Variants in TRMT11 observed in about 807,000 individuals in gnomAD.
TRMT11 encodes tRNA methyltransferase 11, also known as tRNA (guanine(10)-N(2))-methyltransferase TRMT11.
A neutral mutation model predicts 62.8 loss-of-function variants in TRMT11; 53 were observed. The observed-to-expected ratio is 0.84, with a 90% CI of 0.68 to 1.06. The LOEUF is 1.06. TRMT11 is among the 50% of genes least tolerant of loss of function. The probability of loss-of-function intolerance (pLI) is 0.00; values close to 1 mark genes in which losing one functional copy is unlikely to be tolerated. For synonymous variants in TRMT11, 188 were observed against 190.3 expected (o/e 0.99, Z 0.10); for missense variants, 556 against 553.4 (o/e 1.00, Z -0.05).
At chr6:126,225,949 C>T in the TRMT11 span, among the ~76,000 whole-genome samples, 1 of 126,134 alleles carries the variant, frequency 7.9e-6, no homozygotes, top group African/African-American at 3.1e-5. Context: ...CCGTCTGTCT[C>T]CCAAAGTGCT....
chr6:126,213,649 G>A, the TRMT11 span, among the ~76,000 whole-genome samples: 85 of 152,090 alleles, frequency 5.6e-4, no homozygotes, highest in African/African-American at 2.0e-3. Flanking sequence ...TTTTGTTACA[G>A]AGTCTTTAGT....
the TRMT11 span, among the ~76,000 whole-genome samples, chr6:126,210,064 G>T: frequency 6.6e-6 from 1 of 152,186 alleles, no homozygotes; most frequent in African/African-American, 2.4e-5. Flanking sequence ...CTTTAGTGCA[G>T]ATGGAACTTT....
the TRMT11 span, among the ~76,000 whole-genome samples, chr6:126,240,228 C>T: frequency 6.6e-6 from 1 of 152,230 alleles, no homozygotes; most frequent in Non-Finnish European, 1.5e-5. Context: ...CATTCTCCAT[C>T]CAGCTTTGTT....
intron 18 of TRMT11, among the ~76,000 whole-genome samples, chr6:126,113,635 G>T (rs1036818581): frequency 1.3e-5 from 2 of 152,046 alleles, no homozygotes; most frequent in Admixed American, 6.6e-5. Context: ...ATACAGTGAT[G>T]ATCTATATAG....
At chr6:126,086,964 T>C (rs71563694) in intron 17 of TRMT11, among the ~76,000 whole-genome samples, 1 of 152,212 alleles carries the variant, frequency 6.6e-6, no homozygotes, top group Non-Finnish European at 1.5e-5. Context: ...TGTGTTCTGG[T>C]TCTCTTTTAT....
At chr6:126,104,970 G>A (rs1298925480) in intron 17 of TRMT11, among the ~76,000 whole-genome samples, 1 of 152,118 alleles carries the variant, frequency 6.6e-6, no homozygotes, top group Admixed American at 6.6e-5. Context: ...GTTTTATGGG[G>A]CCTTTCTCCT....
the TRMT11 span, among the ~76,000 whole-genome samples, chr6:126,225,959 T>C: frequency 1.6e-5 from 1 of 63,262 alleles, no homozygotes; most frequent in Non-Finnish European, 2.9e-5. Context: ...CCCAAAGTGC[T>C]GGGATTACAG....
At chr6:126,217,515 C>A in the TRMT11 span, among the ~76,000 whole-genome samples, 1 of 152,180 alleles carries the variant, frequency 6.6e-6, no homozygotes, top group African/African-American at 2.4e-5. Flanking sequence ...CCGGGATGGT[C>A]TTGGATAAGA....
rs184310451 is a variant in TRMT11 at position 126,035,706 on chromosome 6, G to C, written c.1261-2999G>C. Among the ~76,000 whole-genome samples, 35 of 152,150 alleles carry C rather than the reference G, an allele frequency of 2.3e-4. No homozygotes were observed. The East Asian group carries it at 6.2e-3, about 27-fold the overall frequency. On this transcript the variant is annotated intron_variant, in intron 12 of 12. Transcript: ENST00000334379. ...GGTCTAAACTATTACAGAAAAGAAT[G>C]TCTTAAGTAGTGAGTGTTTTCTCAA...
chr6:126,191,461 T>C (rs1447517978), intron 1 of TRMT11, among the ~76,000 whole-genome samples: 2 of 147,296 alleles, frequency 1.4e-5, no homozygotes, highest in African/African-American at 5.2e-5. Flanking sequence ...TAATCCTACT[T>C]GTCTTTTTTT....
intron 21 of TRMT11, among the ~76,000 whole-genome samples, chr6:126,149,860 CTTGACCTTTTCTGAAAAGA>C (rs1187184141): frequency 1.3e-5 from 2 of 152,204 alleles, no homozygotes; most frequent in African/African-American, 4.8e-5. Context: ...GAATGTCTCT[CTTGACCTTTTCTGAAAAGA>C]TAAAAGTGGA....
intron 17 of TRMT11, among the ~76,000 whole-genome samples, chr6:126,097,079 A>ACTTTGATG (rs1214232911): frequency 6.6e-6 from 1 of 152,170 alleles, no homozygotes; most frequent in Non-Finnish European, 1.5e-5. Context: ...AAACAGCATA[A>ACTTTGATG]CTTTGATGTT....
chr6:126,032,052 T>A (rs957057154), intron 12 of TRMT11, among the ~76,000 whole-genome samples: 2 of 152,090 alleles, frequency 1.3e-5, no homozygotes, highest in Non-Finnish European at 2.9e-5. Flanking sequence ...CTAAGGGTGA[T>A]GTTTCAGAAA....
intron 17 of TRMT11, among the ~76,000 whole-genome samples, chr6:126,106,615 A>G (rs1777467472): frequency 1.3e-5 from 2 of 152,196 alleles, no homozygotes; most frequent in Non-Finnish European, 2.9e-5. Context: ...TGCGGCCTCT[A>G]TAACATAAGC....
chr6:125,993,876 G>A, intron 2 of TRMT11, 54 bp downstream of exon 2: 1 of 1,065,888 alleles, frequency 9.4e-7, no homozygotes, highest in South Asian at 1.4e-5. Flanking sequence ...TAGAGCCTTG[G>A]GTTTGAAGAG....
the TRMT11 span, among the ~76,000 whole-genome samples, chr6:126,221,027 C>A: frequency 6.6e-6 from 1 of 152,156 alleles, no homozygotes; most frequent in Admixed American, 6.5e-5. Context: ...GTTTTCTGTT[C>A]ATGCATTAAT....
intron 21 of TRMT11, among the ~76,000 whole-genome samples, chr6:126,146,051 C>G (rs780282382): frequency 1.8e-4 from 27 of 152,262 alleles, no homozygotes; most frequent in Non-Finnish European, 3.2e-4. Flanking sequence ...TTTGCAGAAT[C>G]CTGGGAGAAC....
chr6:125,996,448 G>A lies in TRMT11; in HGVS notation c.212+408G>A, dbSNP rs543210974. Among the ~76,000 whole-genome samples the A allele has an allele frequency of 3.3e-5, 5 of 152,310 alleles. No individual in the cohort carries two copies. The South Asian group carries it at 8.3e-4, about 25-fold the overall frequency. ...GGTAACAAAAAGTGAGGACTGCCGT[G>A]AGACATGTTTTACTGTTTCAGTTGG... is the stretch of plus-strand genomic sequence containing the variant. On this transcript the variant is annotated intron_variant, in intron 3 of 12. Transcript: ENST00000334379.
At chr6:126,159,007 C>T (rs1196588591) in intron 21 of TRMT11, among the ~76,000 whole-genome samples, 1 of 152,148 alleles carries the variant, frequency 6.6e-6, no homozygotes, top group Non-Finnish European at 1.5e-5. Context: ...CTTGCAGTTG[C>T]TACTGCTACT....
Sources: allele counts gnomAD v4.1 joint callset (sites outside exome capture counted in the v4.1 genomes callset), GRCh38; gene constraint gnomAD v4.1.1; transcripts MANE v1.5; gene names NCBI Gene and HGNC (gene_info 2026-07-23, HGNC 2026-07-21).